Variants in GOT2 observed in about 807,000 individuals in gnomAD.
GOT2 encodes the protein aspartate aminotransferase, mitochondrial.
A neutral mutation model predicts 50.0 loss-of-function variants in GOT2; 17 were observed. The ratio of observed to expected loss-of-function variants is 0.34; its 90% CI spans 0.23 to 0.51. The LOEUF is 0.51. Among genes scored for constraint, GOT2 ranks in the 20% least tolerant of loss-of-function variants. The pLI is 0.97. For missense variants in GOT2, 430 were observed against 559.6 expected (o/e 0.77, Z 2.34); for synonymous variants, 172 against 204.9 (o/e 0.84, Z 1.37).
chr16:58,733,479 AAAAAC>A (rs758562772), intron 1 of GOT2, among the ~76,000 whole-genome samples: 12 of 152,224 alleles, frequency 7.9e-5, no homozygotes, highest in African/African-American at 1.9e-4. Context: ...GCAATAAGGA[AAAAAC>A]AAAACAAAAC....
chr16:58,713,082 A>G (rs2044663110), intron 8 of GOT2, among the ~76,000 whole-genome samples: 1 of 152,206 alleles, frequency 6.6e-6, no homozygotes, highest in East Asian at 1.9e-4. Context: ...CTGGGCAACA[A>G]GAGCAAAACT....
intron 1 of GOT2, 121 bp downstream of exon 1, chr16:58,734,019 G>C: frequency 2.2e-6 from 1 of 454,734 alleles, no homozygotes; most frequent in Non-Finnish European, 3.6e-6. Flanking sequence ...AAAAGTGTGT[G>C]TGTGTGCGTG....
intron 7 of GOT2, 162 bp from the exon 8 acceptor site, chr16:58,716,341 C>T (rs906689259): frequency 4.4e-6 from 3 of 683,922 alleles, no homozygotes; most frequent in Non-Finnish European, 7.2e-6. Flanking sequence ...TGAACTGAGG[C>T]ACAAGGAAGT....
chr16:58,707,984 G>T lies in GOT2; in HGVS notation c.*187C>A. ...GTTTAATATTCCAGACGCCAGCCAT[G>T]GATGCCTCTGCCCTGTGTCACTACA... On this transcript the variant is annotated 3_prime_UTR_variant, in exon 10 of 10. Coordinates refer to ENST00000245206, the MANE Select transcript of GOT2 (RefSeq NM_002080.4). 1 of 436,502 alleles carries T rather than the reference G, an allele frequency of 2.3e-6. No individual in the cohort carries two copies. Among genetic ancestry groups the T allele is most frequent in the East Asian group, 3.7e-5 (1 of 26,804 alleles). The allele number at this position is 436,502 out of a possible 1,614,324, so 27.0% of individuals were successfully genotyped here.
chr16:58,717,084 G>A (rs1344038242), intron 6 of GOT2, among the ~76,000 whole-genome samples: 2 of 152,288 alleles, frequency 1.3e-5, no homozygotes, highest in South Asian at 2.1e-4. Context: ...GTTAAAGAAA[G>A]GGAAACTGGC....
intron 4 of GOT2, 133 bp downstream of exon 4, chr16:58,719,063 A>C: frequency 1.4e-6 from 1 of 693,948 alleles, no homozygotes; most frequent in Non-Finnish European, 2.6e-6. Flanking sequence ...TCATTTTTTC[A>C]TGAGAATAGG....
At chr16:58,714,992 CA>C (rs541419485) in intron 8 of GOT2, among the ~76,000 whole-genome samples, 2 of 150,686 alleles carry the variant, frequency 1.3e-5, no homozygotes, top group South Asian at 2.2e-4. Context: ...GGATTGTGGT[CA>C]AAAAAATTTA....
chr16:58,709,256 G>C, intron 9 of GOT2, 161 bp downstream of exon 9: 2 of 682,786 alleles, frequency 2.9e-6, no homozygotes, highest in South Asian at 4.4e-5. Context: ...GAGCGAGACT[G>C]TCTCAAAACA....
At chr16:58,709,890 C>T (rs1431591535) in intron 8 of GOT2, among the ~76,000 whole-genome samples, 1 of 152,098 alleles carries the variant, frequency 6.6e-6, no homozygotes, top group African/African-American at 2.4e-5. Context: ...CCCATACAGC[C>T]ATTTTGTTTC....
chr16:58,722,643 TACAGGC>T (rs1160915114), intron 2 of GOT2, among the ~76,000 whole-genome samples: 2 of 152,186 alleles, frequency 1.3e-5, no homozygotes, highest in African/African-American at 4.8e-5. Context: ...GTGCTGGGAT[TACAGGC>T]ATGAGCCACT....
intron 3 of GOT2, 27 bp downstream of exon 3, chr16:58,722,123 G>C: frequency 6.2e-7 from 1 of 1,610,126 alleles, no homozygotes; most frequent in South Asian, 1.1e-5. Flanking sequence ...ACAGACCTGG[G>C]ATGATGCCAG....
intron 8 of GOT2, among the ~76,000 whole-genome samples, chr16:58,712,115 G>A (rs1195354682): frequency 2.7e-5 from 4 of 150,338 alleles, no homozygotes; most frequent in Non-Finnish European, 4.4e-5. Context: ...CCTCTTTAAT[G>A]CACAGCTCAC....
At chr16:58,712,250 G>A (rs1311520396) in intron 8 of GOT2, among the ~76,000 whole-genome samples, 3 of 152,056 alleles carry the variant, frequency 2.0e-5, no homozygotes, top group Admixed American at 1.3e-4. Context: ...GGTGGCTCAC[G>A]TCTATAATCC....
At chr16:58,709,155 G>A (rs1007835473) in intron 9 of GOT2, 8 of 293,308 alleles carry the variant, frequency 2.7e-5, no homozygotes, top group Admixed American at 9.6e-5. Flanking sequence ...CCAGCTGCTC[G>A]GGAGGCTGAG....
intron 2 of GOT2, among the ~76,000 whole-genome samples, chr16:58,722,665 C>T (rs1306553566): frequency 2.0e-5 from 3 of 152,006 alleles, no homozygotes; most frequent in East Asian, 1.9e-4. Context: ...CCACTGCGCC[C>T]GGCCAAACCT....
At chr16:58,726,180 TTTTG>T (rs1346296031) in intron 1 of GOT2, among the ~76,000 whole-genome samples, 1 of 152,134 alleles carries the variant, frequency 6.6e-6, no homozygotes, top group Non-Finnish European at 1.5e-5. Flanking sequence ...ACTTAGTGAA[TTTTG>T]TTTATTTTTT....
chr16:58,726,733 C>A (rs2044788132), intron 1 of GOT2, among the ~76,000 whole-genome samples: 2 of 151,786 alleles, frequency 1.3e-5, no homozygotes, highest in Non-Finnish European at 2.9e-5. Flanking sequence ...AGTGATCCAC[C>A]CACCTTGGCC....
At chr16:58,724,250 T>C (rs2044764839) in intron 1 of GOT2, among the ~76,000 whole-genome samples, 1 of 151,976 alleles carries the variant, frequency 6.6e-6, no homozygotes, top group Admixed American at 6.6e-5. Context: ...AATACAAATT[T>C]GTGTTAAATA....
At chr16:58,709,626 G>A (rs1376987232) in intron 8 of GOT2, 59 bp from the exon 9 acceptor site, 30 of 1,474,972 alleles carry the variant, frequency 2.0e-5, no homozygotes, top group Middle Eastern at 1.8e-4. Flanking sequence ...ATATGCTGGA[G>A]TTCACTGCAT....
Sources: allele counts gnomAD v4.1 joint callset (sites outside exome capture counted in the v4.1 genomes callset), GRCh38; gene constraint gnomAD v4.1.1; transcripts MANE v1.5; gene names NCBI Gene and HGNC (gene_info 2026-07-23, HGNC 2026-07-21).